Variants in GABRB1 observed in about 807,000 individuals in gnomAD.
The protein encoded by GABRB1 is gamma-aminobutyric acid receptor subunit beta-1.
In GABRB1, 17 loss-of-function variants were observed where a neutral mutation model predicts 51.6. That is an observed-to-expected ratio of 0.33 (90% CI 0.23 to 0.49). The LOEUF (loss-of-function observed/expected upper bound fraction) is 0.49, where lower values mean the gene tolerates loss of function less well. Among genes scored for constraint, GABRB1 ranks in the 20% least tolerant of loss-of-function variants. The pLI is 0.99. For missense variants in GABRB1, 410 were observed against 600.6 expected (o/e 0.68, Z 3.32); for synonymous variants, 247 against 218.9 (o/e 1.13, Z -1.14).
intron 3 of GABRB1, among the ~76,000 whole-genome samples, chr4:47,052,668 C>A (rs1726405899): frequency 6.6e-6 from 1 of 152,166 alleles, no homozygotes; most frequent in Non-Finnish European, 1.5e-5. Context: ...ACCCTGTTGT[C>A]TTCTTGCTGG....
At chr4:47,068,624 G>C (rs556920878) in intron 3 of GABRB1, among the ~76,000 whole-genome samples, 1 of 152,246 alleles carries the variant, frequency 6.6e-6, no homozygotes, top group East Asian at 1.9e-4. Flanking sequence ...GGAGCAATCA[G>C]AACACACAAA....
upstream of GABRB1, chr4:46,993,722 C>T (rs1027185349): frequency 3.3e-6 from 1 of 302,336 alleles, no homozygotes; most frequent in South Asian, 3.8e-5. Context: ...GGTTCGTATC[C>T]GCGCGCTTGC....
At chr4:47,008,853 C>CTTTTTTTTTTTTTTTTTT (rs1491180948) in intron 1 of GABRB1, among the ~76,000 whole-genome samples, 3 of 80,096 alleles carry the variant, frequency 3.7e-5, no homozygotes, top group African/African-American at 1.1e-4. Flanking sequence ...CAGATACTAC[C>CTTTTTTTTTTTTTTTTTT]TTTTTTTTTT....
chr4:47,422,401 T>G (rs1162525182), intron 8 of GABRB1, among the ~76,000 whole-genome samples: 1 of 152,126 alleles, frequency 6.6e-6, no homozygotes, highest in South Asian at 2.1e-4. Flanking sequence ...CCATACAAAC[T>G]CCCTTCTCCT....
intron 4 of GABRB1, among the ~76,000 whole-genome samples, chr4:47,203,060 T>C (rs1430173603): frequency 1.3e-5 from 2 of 152,184 alleles, no homozygotes; most frequent in Non-Finnish European, 2.9e-5. Flanking sequence ...AGTAGGCTTT[T>C]CTGAGGAAAA....
chr4:47,218,623 C>A (rs764336207), intron 4 of GABRB1, among the ~76,000 whole-genome samples: 2 of 151,712 alleles, frequency 1.3e-5, no homozygotes, highest in African/African-American at 4.8e-5. Context: ...GTTGGCCATT[C>A]GTATGTATTA....
chr4:47,336,448 C>T lies in GABRB1; in HGVS notation c.544+16239C>T, dbSNP rs117986972. Among the ~76,000 whole-genome samples the T allele has an allele frequency of 5.8e-4, 89 of 152,218 alleles. No homozygotes were observed. The East Asian group carries it at 0.012, about 21-fold the overall frequency. On this transcript the variant is annotated intron_variant, in intron 5 of 8. Coordinates refer to ENST00000295454, the MANE Select transcript of GABRB1 (RefSeq NM_000812.4). ...CCATAACTCTATCAGTAGGTGCCACCGTTCCCATTTTTCCAAGGAGGAAGT... is the reference window on the plus strand; with the variant it reads ...CCATAACTCTATCAGTAGGTGCCACTGTTCCCATTTTTCCAAGGAGGAAGT...
intron 4 of GABRB1, among the ~76,000 whole-genome samples, chr4:47,318,833 C>A (rs1345379910): frequency 1.3e-5 from 2 of 152,002 alleles, no homozygotes; most frequent in Non-Finnish European, 2.9e-5. Context: ...AACGGTCCTC[C>A]CCATAAAGTG....
chr4:47,092,549 A>G (rs1247928133), intron 3 of GABRB1, among the ~76,000 whole-genome samples: 1 of 151,902 alleles, frequency 6.6e-6, no homozygotes, highest in East Asian at 1.9e-4. Flanking sequence ...AATAAAGGAA[A>G]GAAGGAATTT....
At chr4:47,031,349 T>C (rs1030991370), upstream of GABRB1, 4 of 403,506 alleles carry the variant, frequency 9.9e-6, no homozygotes, top group South Asian at 3.0e-5. Flanking sequence ...GAAATCAACA[T>C]AGCAACCTCC....
intron 5 of GABRB1, among the ~76,000 whole-genome samples, chr4:47,340,415 C>A (rs911746644): frequency 6.6e-6 from 1 of 152,004 alleles, no homozygotes; most frequent in Admixed American, 6.6e-5. Context: ...AGTCCATTTG[C>A]GCTGGTATAA....
intron 3 of GABRB1, among the ~76,000 whole-genome samples, chr4:47,048,581 A>G (rs1231493222): frequency 6.6e-6 from 1 of 152,188 alleles, no homozygotes; most frequent in Non-Finnish European, 1.5e-5. Context: ...AAGATAACCC[A>G]TAAGGCTAAG....
Position 47,248,397 on chromosome 4 carries a change from G to T in GABRB1, c.462-71730G>T, listed in dbSNP as rs183530781. Among the ~76,000 whole-genome samples the T allele has an allele frequency of 6.0e-3, 907 of 152,132 alleles. 11 individuals carry two copies. Among genetic ancestry groups the T allele is most frequent in the African/African-American group, 0.021 (857 of 41,520 alleles). ...CTTGATCATGGTGGATTATCTTTTTGATATGTTATTGGATTCAGTTAGATA... is the reference window on the plus strand; with the variant it reads ...CTTGATCATGGTGGATTATCTTTTTTATATGTTATTGGATTCAGTTAGATA... On this transcript the variant is annotated intron_variant, in intron 4 of 8. Coordinates refer to ENST00000295454, the MANE Select transcript of GABRB1 (RefSeq NM_000812.4).
chr4:47,249,170 C>A (rs948991423), intron 4 of GABRB1, among the ~76,000 whole-genome samples: 1 of 152,002 alleles, frequency 6.6e-6, no homozygotes, highest in Non-Finnish European at 1.5e-5. Context: ...CCTCTTAGTA[C>A]CACCTTTGCT....
At chr4:47,423,059 A>G (rs2110068594) in intron 8 of GABRB1, among the ~76,000 whole-genome samples, 1 of 152,276 alleles carries the variant, frequency 6.6e-6, no homozygotes, top group East Asian at 1.9e-4. Flanking sequence ...TGGTTGGGAA[A>G]ATAGGACTGA....
intron 4 of GABRB1, among the ~76,000 whole-genome samples, chr4:47,186,406 G>A (rs1383890240): frequency 6.6e-6 from 1 of 151,738 alleles, no homozygotes; most frequent in Non-Finnish European, 1.5e-5. Flanking sequence ...GCTAAAATTA[G>A]GAAGATTGGT....
intron 1 of GABRB1, among the ~76,000 whole-genome samples, chr4:46,999,827 T>A (rs1215797425): frequency 1.3e-5 from 2 of 152,198 alleles, no homozygotes; most frequent in Non-Finnish European, 2.9e-5. Flanking sequence ...AGCCTGAATA[T>A]TCACTGCATG....
At chr4:47,114,939 A>G (rs1372484679) in intron 3 of GABRB1, among the ~76,000 whole-genome samples, 2 of 152,020 alleles carry the variant, frequency 1.3e-5, no homozygotes, top group Non-Finnish European at 2.9e-5. Flanking sequence ...TGCCATCTCA[A>G]TGTTCCTTCT....
At chr4:47,121,262 A>C (rs1715762883) in intron 3 of GABRB1, among the ~76,000 whole-genome samples, 1 of 152,062 alleles carries the variant, frequency 6.6e-6, no homozygotes, top group African/African-American at 2.4e-5. Flanking sequence ...TTTAATGCAA[A>C]GCCCCACAAT....
Sources: gnomAD v4.1 joint callset for allele counts (sites outside exome capture counted in the v4.1 genomes callset) on GRCh38, gnomAD v4.1.1 for gene constraint, MANE v1.5 for transcripts, NCBI Gene and HGNC (gene_info 2026-07-23, HGNC 2026-07-21) for gene names.